SLC44A5: variants seen among roughly 807,000 people sequenced by gnomAD.
The protein encoded by SLC44A5 is choline transporter-like protein 5.
SLC44A5 carries 57 observed loss-of-function variants against 101.8 expected under a neutral mutation model. That is an observed-to-expected ratio of 0.56 (90% CI 0.45 to 0.70). The LOEUF (loss-of-function observed/expected upper bound fraction) is 0.70. Among genes scored for constraint, SLC44A5 ranks in the 30% least tolerant of loss-of-function variants. SLC44A5 has a pLI of 0.00. For synonymous variants in SLC44A5, 281 were observed against 290.9 expected (o/e 0.97, Z 0.35); for missense variants, 737 against 853.1 (o/e 0.86, Z 1.70).
intron 14 of SLC44A5, among the ~76,000 whole-genome samples, 157 bp downstream of exon 14, chr1:75,222,204 C>T (rs1486299316): frequency 3.9e-5 from 6 of 152,058 alleles, no homozygotes; most frequent in Admixed American, 6.5e-5. Flanking sequence ...GACCAGCCTG[C>T]CTCGGCCTCC....
At chr1:75,367,644 T>A (rs1347627491) in intron 3 of SLC44A5, among the ~76,000 whole-genome samples, 3 of 152,190 alleles carry the variant, frequency 2.0e-5, no homozygotes, top group Non-Finnish European at 2.9e-5. Context: ...TCCTCGTGCG[T>A]CCCTTGGTGG....
rs184835616 is a variant in SLC44A5, at chr1:75,292,051, G to A, written c.175+8561C>T. Reference sequence around the variant, plus strand: ...AAAAGAAAAGAAAGCAGGGTAAAGCGTAATTTCAGATATGGATGGAGAGTT... The same window carrying A: ...AAAAGAAAAGAAAGCAGGGTAAAGCATAATTTCAGATATGGATGGAGAGTT... On this transcript the variant is annotated intron_variant, in intron 5 of 23. Transcript: ENST00000370859. Among the ~76,000 whole-genome samples, 593 of 151,628 alleles carry A rather than the reference G, an allele frequency of 3.9e-3. 4 individuals carry two copies. Among genetic ancestry groups the A allele is most frequent in the African/African-American group, 0.014 (569 of 41,368 alleles).
At chr1:75,302,112 GTTT>G (rs10684140) in intron 4 of SLC44A5, among the ~76,000 whole-genome samples, 11 of 60,130 alleles carry the variant, frequency 1.8e-4, no homozygotes, top group Admixed American at 9.3e-4. Context: ...TAGTTTTTTT[GTTT>G]TTTTTTTTTT....
chr1:75,349,608 T>C (rs1475380025), intron 3 of SLC44A5, among the ~76,000 whole-genome samples: 1 of 151,980 alleles, frequency 6.6e-6, no homozygotes, highest in Non-Finnish European at 1.5e-5. Flanking sequence ...TATTGTGTAA[T>C]GAGAGAAGAA....
intron 2 of SLC44A5, among the ~76,000 whole-genome samples, chr1:75,487,330 G>A (rs1250084664): frequency 6.6e-6 from 1 of 152,146 alleles, no homozygotes; most frequent in Non-Finnish European, 1.5e-5. Flanking sequence ...GATGATACTT[G>A]GCTGAAACCT....
At chr1:75,626,916 C>T in the SLC44A5 span, among the ~76,000 whole-genome samples, 3 of 152,144 alleles carry the variant, frequency 2.0e-5, no homozygotes, top group African/African-American at 7.2e-5. Context: ...GGCACCAGTT[C>T]ACCTTCCCAG....
chr1:75,426,252 G>A (rs757870711), intron 2 of SLC44A5, among the ~76,000 whole-genome samples: 1 of 152,110 alleles, frequency 6.6e-6, no homozygotes, highest in African/African-American at 2.4e-5. Context: ...GTTAATTTAC[G>A]GTGGGAAAAT....
the SLC44A5 span, among the ~76,000 whole-genome samples, chr1:75,681,199 A>ACCATT: frequency 6.6e-6 from 1 of 151,160 alleles, no homozygotes; most frequent in South Asian, 2.1e-4. Flanking sequence ...AGGAACTGGT[A>ACCATT]CCTTCTGAAA....
chr1:75,409,832 C>T (rs1378430683), intron 2 of SLC44A5, among the ~76,000 whole-genome samples: 2 of 152,022 alleles, frequency 1.3e-5, no homozygotes, highest in African/African-American at 4.8e-5. Context: ...GAATCATGCC[C>T]AAGGCAGCTT....
At chr1:75,446,558 A>G (rs868841788) in intron 2 of SLC44A5, among the ~76,000 whole-genome samples, 59 of 151,804 alleles carry the variant, frequency 3.9e-4, no homozygotes, top group African/African-American at 1.3e-3. Context: ...TTTGTTTTAG[A>G]TATTTTGTAA....
chr1:75,415,119 A>G, intron 2 of SLC44A5, among the ~76,000 whole-genome samples: 1 of 152,182 alleles, frequency 6.6e-6, no homozygotes, highest in East Asian at 1.9e-4. Context: ...AAATACATAA[A>G]CACAAATGAT....
At chr1:75,389,847 T>A (rs1661663694) in intron 3 of SLC44A5, among the ~76,000 whole-genome samples, 1 of 151,884 alleles carries the variant, frequency 6.6e-6, no homozygotes, top group African/African-American at 2.4e-5. Flanking sequence ...GATGCCAAAA[T>A]TCATTAAAAA....
At chr1:75,610,136 T>TACACACACACACACAC (rs144198306) in intron 1 of SLC44A5, among the ~76,000 whole-genome samples, 2 of 144,328 alleles carry the variant, frequency 1.4e-5, no homozygotes, top group African/African-American at 2.6e-5. Context: ...AGTCAAGAAA[T>TACACACACACACACAC]ACACACACAC....
intron 6 of SLC44A5, among the ~76,000 whole-genome samples, chr1:75,259,466 G>A (rs1204255913): frequency 6.6e-6 from 1 of 152,100 alleles, no homozygotes; most frequent in Non-Finnish European, 1.5e-5. Context: ...AAAGTGAGAA[G>A]ACAAGATTAG....
intron 1 of SLC44A5, chr1:75,582,105 T>C (rs1318492216): frequency 2.7e-6 from 2 of 728,966 alleles, no homozygotes; most frequent in East Asian, 5.1e-5. Flanking sequence ...CATGGCCAAG[T>C]CCAAGAACCA....
chr1:75,614,847 G>A (rs896317726), upstream of SLC44A5, among the ~76,000 whole-genome samples: 1 of 152,038 alleles, frequency 6.6e-6, no homozygotes, highest in Admixed American at 6.6e-5. Flanking sequence ...GCATGGTGTC[G>A]AGCCCACTTC....
chr1:75,322,122 C>A (rs770785348), intron 4 of SLC44A5, among the ~76,000 whole-genome samples: 21 of 152,042 alleles, frequency 1.4e-4, no homozygotes, highest in Non-Finnish European at 2.5e-4. Context: ...ACCAGCCTGG[C>A]CAAAATGGCA....
Position 75,203,825 on chromosome 1 carries a change from A to C in SLC44A5, c.2056T>G (p.Leu686Val), listed in dbSNP as rs1020545926. The change falls in exon 24 of 24, where the codon TTA becomes GTA. Residue 686 changes from leucine to valine, a missense_variant. By Grantham distance (32) the Leu-to-Val change is conservative. Coordinates refer to ENST00000370859, the MANE Select transcript of SLC44A5 (RefSeq NM_001130058.2). ...GCAGTAGAACCATCATTTCTTTCTA[A>C]ATCTTCCACTAGGAGGAAGAATGGT... ...ETIFICFLED[L>V]ERNDGSTARP... The C allele has an allele frequency of 4.5e-6, 7 of 1,548,270 alleles. No individual in the cohort carries two copies. In the East Asian group the frequency reaches 1.7e-4, roughly 38 times the overall value.
At chr1:75,476,743 G>T (rs1667433082) in intron 2 of SLC44A5, among the ~76,000 whole-genome samples, 2 of 152,274 alleles carry the variant, frequency 1.3e-5, no homozygotes, top group Non-Finnish European at 2.9e-5. Flanking sequence ...AGACAAAGCA[G>T]CAGGGAAGCT....
Sources: gnomAD v4.1 joint callset for allele counts (sites outside exome capture counted in the v4.1 genomes callset) on GRCh38, gnomAD v4.1.1 for gene constraint, MANE v1.5 for transcripts, NCBI Gene and HGNC (gene_info 2026-07-23, HGNC 2026-07-21) for gene names.